Variants in GALNT9 observed in about 807,000 individuals in gnomAD.
The protein encoded by GALNT9 is polypeptide N-acetylgalactosaminyltransferase 9, also known as GalNAc transferase 9.
Under a neutral mutation model 63.1 loss-of-function variants are expected in GALNT9, and 47 were observed. The observed-to-expected ratio is 0.75, with a 90% CI of 0.59 to 0.95. The LOEUF (loss-of-function observed/expected upper bound fraction) is 0.95, where lower values mean the gene tolerates loss of function less well. GALNT9 is among the 40% of genes least tolerant of loss of function. The probability of loss-of-function intolerance (pLI) is 0.00; values close to 1 mark genes in which losing one functional copy is unlikely to be tolerated. For missense variants in GALNT9, 829 were observed against 874.8 expected, an observed-to-expected ratio of 0.95 and a Z score of 0.66; for synonymous variants, 396 against 365.7, an observed-to-expected ratio of 1.08 and a Z score of -0.94.
chr12:132,240,655 ACT>A lies in GALNT9; in HGVS notation c.1077+7253_1077+7254del, dbSNP rs2136899094. ...ATGGGCCTCGGACCTGCTCCTCTTC[ACT>A]CTCTGCCGTGTTTTTCTTCCTCTTT... On this transcript the variant is annotated intron_variant, in intron 6 of 10. Transcript: ENST00000328957. 190 of 451,696 alleles carry A rather than the reference ACT, an allele frequency of 4.2e-4. 2 individuals carry two copies. Among genetic ancestry groups the A allele is most frequent in the South Asian group, 2.8e-3 (182 of 64,212 alleles). 28.0% of individuals were successfully genotyped at this position (451,696 alleles called of 1,614,324 possible).
rs773124749 is a variant in GALNT9, at chr12:132,238,069, G to A, written c.1077+9841C>T. Among the ~76,000 whole-genome samples, 2 of 152,222 alleles carry A rather than the reference G, an allele frequency of 1.3e-5. No individual in the cohort carries two copies. The highest frequency in any genetic ancestry group is 2.4e-5 in the African/African-American group (1 of 41,452). ...TGAGCCAAGGTCAGGTGGAGGTCAC[G>A]TGTGTTTCCTGTGGCTGCCGTCCGC... On this transcript the variant is annotated intron_variant, in intron 6 of 10. Transcript: ENST00000328957. This position sits in a 1 kb window ranked among gnomAD's most constrained non-coding sequence, Gnocchi z 6.5.
intron 2 of GALNT9, among the ~76,000 whole-genome samples, chr12:132,272,432 C>T (rs964926171): frequency 5.3e-5 from 8 of 152,236 alleles, no homozygotes; most frequent in African/African-American, 1.9e-4. Flanking sequence ...AATTAGTTCC[C>T]GGCTTCCCGT....
chr12:132,295,220 C>T lies in GALNT9; in HGVS notation c.239-8790G>A, dbSNP rs73473602. Among the ~76,000 whole-genome samples, 786 of 152,332 alleles carry T rather than the reference C, an allele frequency of 5.2e-3. 11 individuals are homozygous for T. Among genetic ancestry groups the T allele is most frequent in the African/African-American group, 0.018 (756 of 41,588 alleles). The stretch of plus-strand genomic sequence containing the variant: ...GGAGAGTTTGCTCTGCTCTTCCCAC[C>T]CCCAATGCCCTGGCTTCCCCGACAG... On this transcript the variant is annotated intron_variant, in intron 1 of 10. Transcript: ENST00000328957.
chr12:132,260,907 G>A, intron 4 of GALNT9, 41 bp downstream of exon 4: 2 of 1,480,848 alleles, frequency 1.4e-6, no homozygotes, highest in South Asian at 1.4e-5. Context: ...GGTGGAGGGG[G>A]ACCCGCTGAG....
chr12:132,278,867 G>T (rs897784102), intron 2 of GALNT9: 14 of 152,238 alleles, frequency 9.2e-5, no homozygotes, highest in African/African-American at 3.1e-4. Context: ...TCTAGAGTGC[G>T]ATTCGGTGTC....
intron 9 of GALNT9, among the ~76,000 whole-genome samples, chr12:132,198,971 G>A (rs916796170): frequency 1.1e-4 from 17 of 152,106 alleles, no homozygotes; most frequent in Non-Finnish European, 2.4e-4. Flanking sequence ...TCAATTCCCC[G>A]TGTTCTGCTA....
intron 1 of GALNT9, among the ~76,000 whole-genome samples, chr12:132,295,947 CG>C (rs1881050553): frequency 2.4e-5 from 3 of 125,128 alleles, no homozygotes; most frequent in Non-Finnish European, 3.4e-5. Flanking sequence ...GGACGGCCTC[CG>C]AACAGGGACG....
chr12:132,226,053 C>T (rs1421182312), intron 6 of GALNT9, among the ~76,000 whole-genome samples: 1 of 147,038 alleles, frequency 6.8e-6, no homozygotes, highest in Non-Finnish European at 1.5e-5. Flanking sequence ...TATACACACA[C>T]CCCACACTGT....
intron 10 of GALNT9, among the ~76,000 whole-genome samples, 166 bp downstream of exon 10, chr12:132,197,626 G>A (rs1334088057): frequency 5.9e-5 from 9 of 152,240 alleles, no homozygotes; most frequent in Admixed American, 3.9e-4. Context: ...CTCTGTGAGC[G>A]TCGGGGCCCA....
intron 6 of GALNT9, among the ~76,000 whole-genome samples, chr12:132,230,638 C>T (rs1447043279): frequency 3.3e-5 from 5 of 152,188 alleles, no homozygotes; most frequent in African/African-American, 1.2e-4. Flanking sequence ...GAGAAGGCTG[C>T]CCGGGCAGGA....
At chr12:132,273,314 G>C (rs1555240917) in intron 2 of GALNT9, 1 of 152,310 alleles carries the variant, frequency 6.6e-6, no homozygotes, top group East Asian at 1.9e-4. Context: ...GTAGAGACGG[G>C]GTTTCACCAT....
Position 132,319,066 on chromosome 12 carries a change from C to T in GALNT9, c.238+9900G>A, listed in dbSNP as rs1868659081. Among the ~76,000 whole-genome samples, 1 of 152,120 alleles carries T rather than the reference C, an allele frequency of 6.6e-6. No homozygotes were observed. The highest frequency in any genetic ancestry group is 2.4e-5 in the African/African-American group (1 of 41,436). ...AGAGACAGACCTGGGTGTCCGTGGC[C>T]GCCACCGAGCCACCAAGCCTGCAGC... is the stretch of plus-strand genomic sequence containing the variant. On this transcript the variant is annotated intron_variant, in intron 1 of 10. Transcript: ENST00000328957. The surrounding 1 kb of genome is among the most constrained non-coding windows in gnomAD (Gnocchi z 5.2).
chr12:132,313,503 CACCCACCCACCCATCCACTT>C (rs1475619250), intron 1 of GALNT9, among the ~76,000 whole-genome samples: 27 of 136,268 alleles, frequency 2.0e-4, no homozygotes, highest in Non-Finnish European at 3.6e-4. Flanking sequence ...TCCATCCATT[CACCCACCCACCCATCCACTT>C]ACCCACCCAC....
chr12:132,217,630 ACCCAT>A (rs1877269232), intron 6 of GALNT9, among the ~76,000 whole-genome samples: 1 of 133,100 alleles, frequency 7.5e-6, no homozygotes, highest in African/African-American at 2.9e-5. Flanking sequence ...CCATCCATTC[ACCCAT>A]CCCATCCACC....
intron 6 of GALNT9, among the ~76,000 whole-genome samples, chr12:132,239,288 A>G (rs1164004236): frequency 7.0e-6 from 1 of 143,380 alleles, no homozygotes; most frequent in Non-Finnish European, 1.5e-5. Flanking sequence ...ACAGAGACAC[A>G]GAGAGACAGA....
intron 6 of GALNT9, among the ~76,000 whole-genome samples, chr12:132,221,049 G>A (rs1214490154): frequency 2.3e-5 from 1 of 43,422 alleles, no homozygotes; most frequent in Non-Finnish European, 4.2e-5. Context: ...GTGAGATTGT[G>A]TCAAAAAAAA....
chr12:132,236,344 A>G lies in GALNT9; in HGVS notation c.1077+11566T>C, dbSNP rs1555236324. ...GGTCGGGGCCAAGGGAGCCACATCC[A>G]GTGTGGGGGCTGCGGGCTCCAGGCC... On this transcript the variant is annotated intron_variant, in intron 6 of 10. Coordinates refer to ENST00000328957, the MANE Select transcript of GALNT9 (RefSeq NM_001122636.2). This position sits in a 1 kb window ranked among gnomAD's most constrained non-coding sequence, Gnocchi z 5.6. 6.6e-6 allele frequency among the ~76,000 whole-genome samples: 1 copy of G among 151,976 alleles called. No individual in the cohort carries two copies. The highest frequency in any genetic ancestry group is 1.9e-4 in the East Asian group (1 of 5,166).
chr12:132,248,849 A>G (rs1878811224), intron 5 of GALNT9, among the ~76,000 whole-genome samples: 1 of 152,246 alleles, frequency 6.6e-6, no homozygotes, highest in Admixed American at 6.5e-5. Flanking sequence ...TTGAGAGTGC[A>G]TCAGTGCTGC....
intron 2 of GALNT9, among the ~76,000 whole-genome samples, chr12:132,266,670 G>A (rs1304182677): frequency 1.3e-5 from 2 of 152,202 alleles, no homozygotes; most frequent in Admixed American, 6.5e-5. Flanking sequence ...CTCCAGAACG[G>A]GGGACAGTGC....
Sources: allele counts gnomAD v4.1 joint callset (sites outside exome capture counted in the v4.1 genomes callset), GRCh38; gene constraint gnomAD v4.1.1; non-coding constraint Gnocchi (gnomAD v3.1); transcripts MANE v1.5; gene names NCBI Gene and HGNC (gene_info 2026-07-23, HGNC 2026-07-21).